Variants in ZNF704 observed in about 807,000 individuals in gnomAD.
ZNF704 encodes zinc finger protein 704.
In ZNF704, 10 loss-of-function variants were observed where a neutral mutation model predicts 44.7. The ratio of observed to expected loss-of-function variants is 0.22; its 90% CI spans 0.14 to 0.38. The LOEUF (loss-of-function observed/expected upper bound fraction) is 0.38. Among genes scored for constraint, ZNF704 ranks in the 10% least tolerant of loss-of-function variants. ZNF704 has a pLI of 1.00. For missense variants in ZNF704, 390 were observed against 545.5 expected (o/e 0.71, Z 2.84); for synonymous variants, 211 against 207.6 (o/e 1.02, Z -0.14).
Position 80,695,218 on chromosome 8 carries a change from A to G in ZNF704, c.222-2111T>C, listed in dbSNP as rs190750247. 3.7e-3 allele frequency among the ~76,000 whole-genome samples: 562 copies of G among 152,304 alleles called. 2 individuals are homozygous for G. Among genetic ancestry groups the G allele is most frequent in the Non-Finnish European group, 5.0e-3 (343 of 68,016 alleles). ...TGTAACGCTGGTCACAGAAGGGATAAGTTGGGGCTTGCTGCATATCCACTA... is the reference window on the plus strand; with the variant it reads ...TGTAACGCTGGTCACAGAAGGGATAGGTTGGGGCTTGCTGCATATCCACTA... On this transcript the variant is annotated intron_variant, in intron 2 of 8. Transcript: ENST00000327835.
intron 1 of ZNF704, among the ~76,000 whole-genome samples, chr8:80,863,422 C>T (rs1052496516): frequency 1.3e-5 from 2 of 152,114 alleles, no homozygotes; most frequent in African/African-American, 4.8e-5. Flanking sequence ...TGCTTAGGTA[C>T]CAATTCCAAT....
At chr8:80,762,480 T>A (rs1363156515) in intron 2 of ZNF704, among the ~76,000 whole-genome samples, 1 of 152,058 alleles carries the variant, frequency 6.6e-6, no homozygotes, top group Non-Finnish European at 1.5e-5. Context: ...TATAAAACCA[T>A]CAGATCTCAT....
At chr8:80,879,575 A>G (rs186765031), upstream of ZNF704, among the ~76,000 whole-genome samples, 3 of 152,236 alleles carry the variant, frequency 2.0e-5, no homozygotes, top group Non-Finnish European at 4.4e-5. Context: ...TAGGACTGCC[A>G]TCTCTGTTCC....
intron 2 of ZNF704, among the ~76,000 whole-genome samples, chr8:80,718,003 G>A (rs1042214801): frequency 1.3e-5 from 2 of 152,140 alleles, no homozygotes; most frequent in Non-Finnish European, 2.9e-5. Flanking sequence ...AGCATTCAAC[G>A]AATTCTCAAA....
intron 7 of ZNF704, among the ~76,000 whole-genome samples, chr8:80,653,165 A>C (rs1275987514): frequency 5.3e-5 from 8 of 152,230 alleles, no homozygotes; most frequent in African/African-American, 1.4e-4. Flanking sequence ...GATGGGACAT[A>C]TCTCAAAATA....
In ZNF704 at chr8:80,643,101, G is replaced by A; in HGVS notation, c.1061C>T (p.Thr354Ile). ...GTGCGCATGCTGTCTCTGCTCTCCT[G>A]TGCCCACCGGATGATGTGTGGGTGA... is the stretch of plus-strand genomic sequence containing the variant. The part of the protein sequence containing the change: ...PVSPTHHPVG[T>I]GEQRQHAHTV... Residue 354 changes from threonine (T) to isoleucine (I), a missense_variant, in exon 8 of 9, where the codon ACA (threonine) becomes ATA (isoleucine). This residue lies in a region of ZNF704 where 305 missense variants were observed against 435.7 expected (regional missense o/e 0.70). Coordinates refer to ENST00000327835, the MANE Select transcript of ZNF704 (RefSeq NM_001033723.3). The A allele has an allele frequency of 6.2e-7, 1 of 1,606,552 alleles. No homozygotes were observed. The highest frequency in any genetic ancestry group is 8.5e-7 in the Non-Finnish European group (1 of 1,176,502).
chr8:80,833,344 G>A (rs1212897270), intron 1 of ZNF704, among the ~76,000 whole-genome samples: 5 of 151,910 alleles, frequency 3.3e-5, no homozygotes, highest in East Asian at 1.9e-4. Context: ...GCAAGACTCC[G>A]TCTCAAAAAA....
At chr8:80,847,794 T>C (rs1001924479) in intron 1 of ZNF704, among the ~76,000 whole-genome samples, 1 of 152,182 alleles carries the variant, frequency 6.6e-6, no homozygotes, top group African/African-American at 2.4e-5. Flanking sequence ...ACCTCACATG[T>C]TCTACAAAAA....
In ZNF704 at chr8:80,636,002, T is replaced by A. The variant is rs1416845293; in HGVS notation, c.*5364A>T. 1 of 152,202 alleles carries A rather than the reference T, an allele frequency of 6.6e-6. No individual in the cohort carries two copies. The highest frequency in any genetic ancestry group is 1.5e-5 in the Non-Finnish European group (1 of 68,038). The allele number at this position is 152,202 out of a possible 1,614,324, so 9.4% of individuals were successfully genotyped here. A position where few individuals can be genotyped will look rare whatever the true frequency, so the allele number is the denominator to read the frequency against. On this transcript the variant is annotated 3_prime_UTR_variant, in exon 9 of 9. Transcript: ENST00000327835. ...ATTTTAAAAAATAAGCTACAATGTATAAAACCAAGGTCATTTCTCACAAAA... is the reference window on the plus strand; with the variant it reads ...ATTTTAAAAAATAAGCTACAATGTAAAAAACCAAGGTCATTTCTCACAAAA...
intron 1 of ZNF704, among the ~76,000 whole-genome samples, chr8:80,821,895 AT>A (rs1335837665): frequency 1.3e-5 from 2 of 152,202 alleles, no homozygotes; most frequent in East Asian, 3.8e-4. Flanking sequence ...AATACCTCTA[AT>A]TTTTTAAAAT....
rs1400951952 is a variant in ZNF704, at chr8:80,664,719, T to C, written c.927+96A>G. 6 of 1,476,320 alleles carry C rather than the reference T, an allele frequency of 4.1e-6. No homozygotes were observed. The East Asian group carries it at 1.1e-4, about 28-fold the overall frequency. The allele number at this position is 1,476,320 out of a possible 1,614,324, so 91.5% of individuals were successfully genotyped here. ...GCTACCGGGCTGCCGTGTGTGATGC[T>C]GTTTTTCCACTGAGTTGTCTTTTAC... On this transcript the variant is annotated intron_variant, in intron 6 of 8. Coordinates refer to ENST00000327835, the MANE Select transcript of ZNF704 (RefSeq NM_001033723.3).
At chr8:80,773,943 T>C (rs1353060855) in intron 2 of ZNF704, among the ~76,000 whole-genome samples, 1 of 152,336 alleles carries the variant, frequency 6.6e-6, no homozygotes, top group East Asian at 1.9e-4. Flanking sequence ...TCTTTTTTCA[T>C]TCAGTCTAAG....
rs558342758 is a variant in ZNF704 at position 80,717,595 on chromosome 8, T to C, written c.222-24488A>G. On this transcript the variant is annotated intron_variant, in intron 2 of 8. Coordinates refer to ENST00000327835, the MANE Select transcript of ZNF704 (RefSeq NM_001033723.3). ...TGCCAATCTGAACTCTAGGTTCTTT[T>C]GCTTCTGTTTCTGCAAGTTCTTGCC... Among the ~76,000 whole-genome samples, 13 of 152,364 alleles carry C rather than the reference T, an allele frequency of 8.5e-5. 2 individuals carry two copies. The South Asian group carries it at 2.5e-3, about 29-fold the overall frequency.
chr8:80,816,649 C>A (rs546654688), intron 2 of ZNF704, among the ~76,000 whole-genome samples: 1 of 152,178 alleles, frequency 6.6e-6, no homozygotes, highest in South Asian at 2.1e-4. Flanking sequence ...TACTTGTTAC[C>A]CCCAACCCAA....
intron 2 of ZNF704, among the ~76,000 whole-genome samples, chr8:80,748,641 T>C (rs138821495): frequency 6.6e-5 from 10 of 152,212 alleles, no homozygotes; most frequent in African/African-American, 2.2e-4. Context: ...CTGTAGCAAA[T>C]AGCAAGAGTG....
chr8:80,791,754 A>C lies in ZNF704; in HGVS notation c.221+29620T>G, dbSNP rs148466568. Among the ~76,000 whole-genome samples the C allele has an allele frequency of 7.4e-3, 1,121 of 152,260 alleles. 6 individuals carry two copies. Among genetic ancestry groups the C allele is most frequent in the Non-Finnish European group, 0.013 (858 of 68,014 alleles). The stretch of plus-strand genomic sequence containing the variant: ...CAGCACTTTCAGCAAGGGAGCAGGG[A>C]ACAGCAAGGAGGGGAAGCTCATTTT... On this transcript the variant is annotated intron_variant, in intron 2 of 8. Transcript: ENST00000327835.
At chr8:80,651,732 C>T (rs1190161106) in intron 7 of ZNF704, among the ~76,000 whole-genome samples, 1 of 152,018 alleles carries the variant, frequency 6.6e-6, no homozygotes, top group Non-Finnish European at 1.5e-5. Context: ...ACTTTAACAC[C>T]CCACTGTCAA....
chr8:80,702,678 C>T (rs180786914), intron 2 of ZNF704, among the ~76,000 whole-genome samples: 2 of 152,016 alleles, frequency 1.3e-5, no homozygotes, highest in Admixed American at 6.5e-5. Context: ...GACACAAAAG[C>T]GAAGGCGAGA....
upstream of ZNF704, among the ~76,000 whole-genome samples, chr8:80,878,195 C>A (rs1219593446): frequency 6.6e-6 from 1 of 150,620 alleles, no homozygotes; most frequent in East Asian, 2.0e-4. Context: ...CCTTTGAGTT[C>A]TGAGCCCTAA....
Sources: gnomAD v4.1 joint callset for allele counts (sites outside exome capture counted in the v4.1 genomes callset) on GRCh38, gnomAD v4.1.1 for gene constraint, gnomAD v4.1.1 regional missense constraint, MANE v1.5 for transcripts, NCBI Gene and HGNC (gene_info 2026-07-23, HGNC 2026-07-21) for gene names.